PPARD: variants seen among roughly 807,000 people sequenced by gnomAD.
PPARD encodes peroxisome proliferator-activated receptor delta.
Under a neutral mutation model 39.5 loss-of-function variants are expected in PPARD, and 6 were observed. That is an observed-to-expected ratio of 0.15 (90% CI 0.08 to 0.30). The LOEUF is 0.30. Among genes scored for constraint, PPARD ranks in the 10% least tolerant of loss-of-function variants. PPARD has a pLI of 1.00. For synonymous variants in PPARD, 210 were observed against 231.3 expected (o/e 0.91, Z 0.83); for missense variants, 397 against 596.8 (o/e 0.67, Z 3.49).
rs149987507 is a variant in PPARD, at chr6:35,367,104, T to C, written c.-102+19954T>C. On this transcript the variant is annotated intron_variant, in intron 2 of 7. Coordinates refer to ENST00000360694, the MANE Select transcript of PPARD (RefSeq NM_006238.5). The stretch of plus-strand genomic sequence containing the variant: ...CCGTTCCCTGGATGCTAAAAGGAAA[T>C]GGAGGAGTGTAAGAGGTTGATTCTT... 4.4e-3 allele frequency among the ~76,000 whole-genome samples: 663 copies of C among 151,904 alleles called. 5 individuals are homozygous for C. Among genetic ancestry groups the C allele is most frequent in the Non-Finnish European group, 7.0e-3 (475 of 67,964 alleles).
intron 3 of PPARD, among the ~76,000 whole-genome samples, chr6:35,418,630 C>T (rs1765934670): frequency 6.6e-6 from 1 of 152,234 alleles, no homozygotes; most frequent in Non-Finnish European, 1.5e-5. Flanking sequence ...GCTTCACCCT[C>T]CCAGAGCACA....
At chr6:35,359,416 G>A (rs1761806886) in intron 2 of PPARD, among the ~76,000 whole-genome samples, 1 of 152,146 alleles carries the variant, frequency 6.6e-6, no homozygotes, top group Non-Finnish European at 1.5e-5. Context: ...GGGGGAAAAA[G>A]CAGCCTCCTC....
At chr6:35,379,801 T>A (rs191268524) in intron 2 of PPARD, among the ~76,000 whole-genome samples, 1 of 152,248 alleles carries the variant, frequency 6.6e-6, no homozygotes, top group Non-Finnish European at 1.5e-5. Context: ...CTACCTTTTA[T>A]CTGTTTCTGA....
rs1354782707 is a variant in PPARD, at chr6:35,401,523, G to A, written c.-101-9464G>A. 6.6e-6 allele frequency among the ~76,000 whole-genome samples: 1 copy of A among 152,108 alleles called. No individual in the cohort carries two copies. Among genetic ancestry groups the A allele is most frequent in the Admixed American group, 6.5e-5 (1 of 15,278 alleles). On this transcript the variant is annotated intron_variant, in intron 2 of 7. Transcript: ENST00000360694. The surrounding 1 kb of genome is among the most constrained non-coding windows in gnomAD (Gnocchi z 4.1). ...ACATCCTCAGCTTACCCTTCAAGAC[G>A]CTGAGTGACCTCTAGCCACAGCCCT...
chr6:35,348,270 A>G lies in PPARD; in HGVS notation c.-102+1120A>G, dbSNP rs1444764384. 4 of 865,140 alleles carry G rather than the reference A, an allele frequency of 4.6e-6. No homozygotes were observed. The African/African-American group carries it at 7.3e-5, about 16-fold the overall frequency. The allele number at this position is 865,140 out of a possible 1,614,324, so 53.6% of individuals were successfully genotyped here. A position where few individuals can be genotyped will look rare whatever the true frequency, so the allele number is the denominator to read the frequency against. Reference sequence around the variant, plus strand: ...CACTTGGGAAATGATAATAGTAAAAAACAGATCCAATCTCTGCCTCATGGG... The same window carrying G: ...CACTTGGGAAATGATAATAGTAAAAGACAGATCCAATCTCTGCCTCATGGG... On this transcript the variant is annotated intron_variant, in intron 2 of 7. Transcript: ENST00000360694.
At chr6:35,349,382 A>G (rs950697568) in intron 2 of PPARD, among the ~76,000 whole-genome samples, 3 of 152,174 alleles carry the variant, frequency 2.0e-5, no homozygotes, top group African/African-American at 4.8e-5. Context: ...GGTGTGTCCA[A>G]TCTTTTGGCA....
At chr6:35,349,056 C>T (rs1761064788) in intron 2 of PPARD, 7 of 973,016 alleles carry the variant, frequency 7.2e-6, no homozygotes, top group African/African-American at 3.6e-5. Context: ...GACGGAGTCT[C>T]GCTCTGTCAC....
chr6:35,374,200 G>C (rs1461741482), intron 2 of PPARD, among the ~76,000 whole-genome samples: 1 of 151,720 alleles, frequency 6.6e-6, no homozygotes, highest in Non-Finnish European at 1.5e-5. Context: ...AGAAACCTTG[G>C]AGCCTGGCAC....
chr6:35,389,608 C>T (rs560823540), intron 2 of PPARD, among the ~76,000 whole-genome samples: 2 of 151,934 alleles, frequency 1.3e-5, no homozygotes, highest in South Asian at 4.2e-4. Flanking sequence ...CCACCGCGCC[C>T]AGCCTGGGTG....
At chr6:35,352,306 C>G (rs527505543) in intron 2 of PPARD, among the ~76,000 whole-genome samples, 5 of 152,172 alleles carry the variant, frequency 3.3e-5, no homozygotes, top group Non-Finnish European at 7.3e-5. Flanking sequence ...GCCTCAGCCT[C>G]CCAAGTAGCT....
chr6:35,423,898 G>A (rs1260182256), intron 5 of PPARD, 48 bp from the exon 6 acceptor site: 2 of 1,593,134 alleles, frequency 1.3e-6, no homozygotes, highest in Admixed American at 3.3e-5. Context: ...TGTCAGAGGT[G>A]CTGGGGCCTG....
At chr6:35,349,503 T>C (rs1270785124) in intron 2 of PPARD, among the ~76,000 whole-genome samples, 1 of 152,156 alleles carries the variant, frequency 6.6e-6, no homozygotes, top group Admixed American at 6.5e-5. Flanking sequence ...ATCTCATGTT[T>C]TAATAAAGTT....
chr6:35,420,423 T>A, intron 4 of PPARD, 142 bp downstream of exon 4: 1 of 1,197,926 alleles, frequency 8.3e-7, no homozygotes, highest in Non-Finnish European at 1.1e-6. Flanking sequence ...AGCCAGGCCC[T>A]TGTGCTCCAG....
intron 3 of PPARD, among the ~76,000 whole-genome samples, chr6:35,411,794 T>C (rs9658138): frequency 6.6e-6 from 1 of 152,234 alleles, no homozygotes; most frequent in African/African-American, 2.4e-5. Context: ...CCTTTATTTA[T>C]CAGCAGTGCA....
intron 2 of PPARD, among the ~76,000 whole-genome samples, chr6:35,350,458 T>C (rs376954043): frequency 3.3e-5 from 5 of 152,164 alleles, no homozygotes; most frequent in African/African-American, 1.2e-4. Flanking sequence ...GTTTCATTCA[T>C]CTCCATATGA....
At chr6:35,379,096 C>CTT (rs966712151) in intron 2 of PPARD, among the ~76,000 whole-genome samples, 7 of 134,458 alleles carry the variant, frequency 5.2e-5, no homozygotes, top group South Asian at 2.4e-4. Context: ...TCTTTTCTTT[C>CTT]TTTTTTTTTT....
rs1766562717 is a variant in PPARD at position 35,426,165 on chromosome 6, T to C, written c.*86T>C. ...CATGACTTTTCCATTGACCAGCCCTTGAGCACCCGGCCTGGAGCAGCAGAG... is the reference window on the plus strand; with the variant it reads ...CATGACTTTTCCATTGACCAGCCCTCGAGCACCCGGCCTGGAGCAGCAGAG... On this transcript the variant is annotated 3_prime_UTR_variant, in exon 8 of 8. Coordinates refer to ENST00000360694, the MANE Select transcript of PPARD (RefSeq NM_006238.5). 25 of 1,527,140 alleles carry C rather than the reference T, an allele frequency of 1.6e-5. No homozygotes were observed. The South Asian group carries it at 2.8e-4, about 17-fold the overall frequency. The allele number at this position is 1,527,140 out of a possible 1,614,324, so 94.6% of individuals were successfully genotyped here.
intron 2 of PPARD, among the ~76,000 whole-genome samples, chr6:35,383,502 T>G (rs1763278651): frequency 6.8e-6 from 1 of 147,296 alleles, no homozygotes; most frequent in African/African-American, 2.6e-5. Context: ...TCGTCTGGGA[T>G]GTGGGGAGCC....
chr6:35,407,878 G>A (rs1318415566), intron 2 of PPARD, among the ~76,000 whole-genome samples: 2 of 149,602 alleles, frequency 1.3e-5, no homozygotes, highest in African/African-American at 4.9e-5. Flanking sequence ...TTCCAGTATT[G>A]TGGCCAACTT....
Sources: allele counts gnomAD v4.1 joint callset (sites outside exome capture counted in the v4.1 genomes callset), GRCh38; gene constraint gnomAD v4.1.1; non-coding constraint Gnocchi (gnomAD v3.1); transcripts MANE v1.5; gene names NCBI Gene and HGNC (gene_info 2026-07-23, HGNC 2026-07-21).